The following PEX14 variants were observed in gnomAD, a reference collection of about 807,000 sequenced individuals.
The protein encoded by PEX14 is peroxisomal biogenesis factor 14.
In PEX14, 15 loss-of-function variants were observed where a neutral mutation model predicts 49.5. That is an observed-to-expected ratio of 0.30 (90% CI 0.20 to 0.47). The LOEUF (loss-of-function observed/expected upper bound fraction) is 0.47. Ranked by LOEUF, PEX14 falls within the 20% of genes least tolerant of loss-of-function variation. PEX14 has a pLI of 1.00. For synonymous variants in PEX14, 210 were observed against 212.7 expected, an observed-to-expected ratio of 0.99 and a Z score of 0.11; for missense variants, 398 against 494.8, an observed-to-expected ratio of 0.80 and a Z score of 1.86.
At chr1:10,568,336 C>T (rs1197544595) in intron 3 of PEX14, among the ~76,000 whole-genome samples, 4 of 110,374 alleles carry the variant, frequency 3.6e-5, no homozygotes, top group South Asian at 3.3e-4. Flanking sequence ...CCCCCCCCCC[C>T]CCACTCCCAC....
chr1:10,506,404 G>C (rs962236473), intron 2 of PEX14, among the ~76,000 whole-genome samples: 2 of 152,126 alleles, frequency 1.3e-5, no homozygotes, highest in African/African-American at 4.8e-5. Context: ...TCAGCCTCCT[G>C]AGTAGCTGGG....
intron 1 of PEX14, among the ~76,000 whole-genome samples, chr1:10,477,975 G>A (rs1042648614): frequency 6.6e-6 from 1 of 151,990 alleles, no homozygotes; most frequent in Non-Finnish European, 1.5e-5. Context: ...TGCAACCTCC[G>A]CCTCCCAGGT....
intron 3 of PEX14, among the ~76,000 whole-genome samples, chr1:10,536,992 A>G (rs1032461139): frequency 3.9e-5 from 6 of 152,186 alleles, no homozygotes; most frequent in African/African-American, 1.4e-4. Context: ...CTTATATACC[A>G]TGATGGGCAA....
At chr1:10,598,171 G>C (rs1221521673) in intron 3 of PEX14, among the ~76,000 whole-genome samples, 1 of 152,242 alleles carries the variant, frequency 6.6e-6, no homozygotes, top group Non-Finnish European at 1.5e-5. Flanking sequence ...TCCTGGAACA[G>C]CAAGGGCTGG....
At chr1:10,493,568 C>T (rs960218532) in intron 1 of PEX14, among the ~76,000 whole-genome samples, 5 of 152,110 alleles carry the variant, frequency 3.3e-5, no homozygotes, top group Non-Finnish European at 7.4e-5. Flanking sequence ...GCTGGGAGTA[C>T]AAGCGCACAC....
chr1:10,605,463 G>C (rs1388188455), intron 4 of PEX14, among the ~76,000 whole-genome samples: 1 of 152,238 alleles, frequency 6.6e-6, no homozygotes, highest in Admixed American at 6.5e-5. Context: ...CAGAACGCTA[G>C]TCTTAGGCAA....
At position 10,623,134 on chromosome 1, in the gene PEX14, G is replaced by A; in HGVS notation, c.487+13G>A. ...GTGGCCCAGACAGGTAAAGATTAAT[G>A]ACTCCATCAAGTCACCCCTCACAGC... On this transcript the variant is annotated intron_variant, in intron 6 of 8. Transcript: ENST00000356607. This position sits in a 1 kb window ranked among gnomAD's most constrained non-coding sequence, Gnocchi z 4.4. The A allele has an allele frequency of 1.3e-6, 2 of 1,584,286 alleles. No individual in the cohort carries two copies. The highest frequency in any genetic ancestry group is 1.7e-6 in the Non-Finnish European group (2 of 1,154,382).
chr1:10,598,485 A>T (rs890344365), intron 3 of PEX14, among the ~76,000 whole-genome samples: 1 of 152,132 alleles, frequency 6.6e-6, no homozygotes, highest in Admixed American at 6.6e-5. Context: ...TCCTCTCCAC[A>T]TGGCATAGCC....
intron 3 of PEX14, among the ~76,000 whole-genome samples, chr1:10,563,585 A>G (rs969913417): frequency 2.7e-5 from 4 of 150,886 alleles, no homozygotes; most frequent in East Asian, 2.0e-4. Flanking sequence ...AGATCGTGCC[A>G]TTGCACTCCA....
chr1:10,572,970 C>T (rs1332870481), intron 3 of PEX14, among the ~76,000 whole-genome samples: 2 of 152,168 alleles, frequency 1.3e-5, no homozygotes, highest in East Asian at 3.8e-4. Flanking sequence ...TCCCAGACTA[C>T]AAAGCTATAC....
chr1:10,568,776 G>C (rs1344746534), intron 3 of PEX14, among the ~76,000 whole-genome samples: 2 of 152,114 alleles, frequency 1.3e-5, no homozygotes, highest in Non-Finnish European at 2.9e-5. Context: ...GTCTCACTCT[G>C]TTGCCCTGGC....
chr1:10,515,094 G>C (rs147091269), intron 2 of PEX14, among the ~76,000 whole-genome samples: 3 of 152,266 alleles, frequency 2.0e-5, no homozygotes, highest in East Asian at 3.9e-4. Flanking sequence ...CAGCAGCATG[G>C]ATCTGTGCCA....
intron 1 of PEX14, among the ~76,000 whole-genome samples, chr1:10,490,380 G>A (rs1641450213): frequency 6.6e-6 from 1 of 152,112 alleles, no homozygotes; most frequent in African/African-American, 2.4e-5. Context: ...TGGAGCTTTC[G>A]CCAGTTGCTC....
intron 2 of PEX14, among the ~76,000 whole-genome samples, chr1:10,499,595 C>T (rs530427654): frequency 7.2e-5 from 11 of 151,966 alleles, no homozygotes; most frequent in Admixed American, 1.3e-4. Flanking sequence ...ATTACAGGTA[C>T]GCGCCGCCAT....
At chr1:10,483,744 G>A (rs749857655) in intron 1 of PEX14, among the ~76,000 whole-genome samples, 7 of 124,900 alleles carry the variant, frequency 5.6e-5, no homozygotes, top group African/African-American at 1.6e-4. Context: ...TTGTATATAC[G>A]TGTGTAACCA....
At chr1:10,517,704 T>A (rs1570190940) in intron 2 of PEX14, among the ~76,000 whole-genome samples, 1 of 142,856 alleles carries the variant, frequency 7.0e-6, no homozygotes, top group Non-Finnish European at 1.6e-5. Context: ...TTTTTTTTTT[T>A]AAATGAAGGT....
At chr1:10,546,569 A>T (rs1639179519) in intron 3 of PEX14, among the ~76,000 whole-genome samples, 1 of 145,338 alleles carries the variant, frequency 6.9e-6, no homozygotes, top group Admixed American at 6.9e-5. Flanking sequence ...GTTTCAAAAA[A>T]AAAAAAAAAA....
intron 3 of PEX14, among the ~76,000 whole-genome samples, chr1:10,596,117 T>A (rs1640826562): frequency 6.6e-6 from 1 of 152,218 alleles, no homozygotes; most frequent in South Asian, 2.1e-4. Context: ...ACTGGGCAGA[T>A]AACTAGTTGT....
intron 2 of PEX14, among the ~76,000 whole-genome samples, chr1:10,508,581 C>T (rs78820912): frequency 2.0e-5 from 3 of 152,264 alleles, no homozygotes; most frequent in East Asian, 3.9e-4. Context: ...CCCTCCCCCC[C>T]AGAAGTGCAC....
Sources: gnomAD v4.1 joint callset for allele counts (sites outside exome capture counted in the v4.1 genomes callset) on GRCh38, gnomAD v4.1.1 for gene constraint, Gnocchi (gnomAD v3.1) non-coding constraint, MANE v1.5 for transcripts, NCBI Gene and HGNC (gene_info 2026-07-23, HGNC 2026-07-21) for gene names.